ZPBP: variants seen among roughly 807,000 people sequenced by gnomAD.
ZPBP encodes the protein zona pellucida binding protein, also known as zona pellucida-binding protein 1.
A neutral mutation model predicts 44.8 loss-of-function variants in ZPBP; 26 were observed. That is an observed-to-expected ratio of 0.58 (90% CI 0.43 to 0.81). The LOEUF (loss-of-function observed/expected upper bound fraction) is 0.81. Among genes scored for constraint, ZPBP ranks in the 30% least tolerant of loss-of-function variants. ZPBP has a pLI of 0.00. For synonymous variants in ZPBP, 174 were observed against 153.2 expected (o/e 1.14, Z -1.00); for missense variants, 409 against 434.0 (o/e 0.94, Z 0.51).
intron 4 of ZPBP, among the ~76,000 whole-genome samples, chr7:50,054,834 C>T (rs1800855487): frequency 6.6e-6 from 1 of 152,070 alleles, no homozygotes; most frequent in Non-Finnish European, 1.5e-5. Context: ...CTATATATCT[C>T]TCAGTAGCTA....
intron 3 of ZPBP, among the ~76,000 whole-genome samples, chr7:50,076,041 A>G (rs570933334): frequency 6.6e-6 from 1 of 152,104 alleles, no homozygotes; most frequent in South Asian, 2.1e-4. Context: ...AAAAGGTTAG[A>G]AAGATCATTT....
At chr7:49,891,968 A>T (rs186372564) in intron 2 of ZPBP, among the ~76,000 whole-genome samples, 4 of 152,158 alleles carry the variant, frequency 2.6e-5, no homozygotes, top group African/African-American at 9.6e-5. Context: ...AAATGAAAAG[A>T]TACAAATACG....
intron 2 of ZPBP, among the ~76,000 whole-genome samples, chr7:49,858,351 T>A (rs540942051): frequency 3.7e-4 from 56 of 152,154 alleles, no homozygotes; most frequent in African/African-American, 1.3e-3. Flanking sequence ...GTGGCACATA[T>A]ACACCATGGA....
In ZPBP at chr7:49,965,570, A is replaced by G. The variant is rs539411384; in HGVS notation, c.961+17772T>C. On this transcript the variant is annotated intron_variant, in intron 7 of 7. Transcript: ENST00000046087. ...CAAATGGAAATGGGTATACACCAAA[A>G]AATGAAGTCTACTGGAAATGGTAGT... Among the ~76,000 whole-genome samples the G allele has an allele frequency of 3.3e-4, 50 of 152,218 alleles. 1 individual carries two copies. Among genetic ancestry groups the G allele is most frequent in the African/African-American group, 1.2e-3 (48 of 41,588 alleles).
intron 1 of ZPBP, chr7:49,917,138 G>A (rs1793765740): frequency 1.3e-5 from 2 of 152,050 alleles, no homozygotes; most frequent in Non-Finnish European, 2.9e-5. Context: ...ACCTCAGTAG[G>A]TATCTAGTGA....
Position 49,984,876 on chromosome 7 carries a change from T to G in ZPBP, c.784-1357A>C, listed in dbSNP as rs984825822. 3.3e-5 allele frequency among the ~76,000 whole-genome samples: 5 copies of G among 152,316 alleles called. No homozygotes were observed. In the East Asian group the frequency reaches 7.7e-4, roughly 23 times the overall value. ...CAGGTCCTCAAATAATGTCCTTTCCTTCAATGTCATTTTGTTATAATGTTG... is the reference window on the plus strand; with the variant it reads ...CAGGTCCTCAAATAATGTCCTTTCCGTCAATGTCATTTTGTTATAATGTTG... On this transcript the variant is annotated intron_variant, in intron 6 of 7. Transcript: ENST00000046087.
chr7:49,965,822 C>T (rs1796034827), intron 7 of ZPBP, among the ~76,000 whole-genome samples: 2 of 151,956 alleles, frequency 1.3e-5, no homozygotes, highest in South Asian at 4.2e-4. Flanking sequence ...TGAAGGTGGA[C>T]TAAGATAAAT....
intron 6 of ZPBP, among the ~76,000 whole-genome samples, chr7:50,015,697 T>TAAACC (rs3034423): frequency 1.3e-5 from 2 of 151,402 alleles, no homozygotes; most frequent in Non-Finnish European, 3.0e-5. Context: ...ATGAAGTACT[T>TAAACC]AACAAGCAAA....
rs1026644832 is a variant in ZPBP, at chr7:50,051,640, C to T, written c.487+6349G>A. Among the ~76,000 whole-genome samples, 4 of 152,134 alleles carry T rather than the reference C, an allele frequency of 2.6e-5. 1 individual carries two copies. Among genetic ancestry groups the T allele is most frequent in the Middle Eastern group, 6.8e-3 (2 of 294 alleles). Reference sequence around the variant, plus strand: ...AATACTATGCAGCCATAAAAAGGAACAAGATCATGTCCTTTACAGGGACAT... The same window carrying T: ...AATACTATGCAGCCATAAAAAGGAATAAGATCATGTCCTTTACAGGGACAT... On this transcript the variant is annotated intron_variant, in intron 4 of 7. Coordinates refer to ENST00000046087, the MANE Select transcript of ZPBP (RefSeq NM_007009.3).
chr7:49,912,166 A>C, intron 1 of ZPBP: 1 of 1,614,070 alleles, frequency 6.2e-7, no homozygotes, highest in South Asian at 1.1e-5. Flanking sequence ...TGCACGAGAC[A>C]TGAATGCAGG....
At chr7:50,092,525 T>C (rs1311235592) in intron 1 of ZPBP, among the ~76,000 whole-genome samples, 1 of 152,236 alleles carries the variant, frequency 6.6e-6, no homozygotes, top group Non-Finnish European at 1.5e-5. Context: ...AACAGTTCAA[T>C]TAAACTTTCA....
At chr7:50,083,930 A>T (rs527985491) in intron 2 of ZPBP, among the ~76,000 whole-genome samples, 1 of 152,122 alleles carries the variant, frequency 6.6e-6, no homozygotes, top group South Asian at 2.1e-4. Flanking sequence ...TGCAAAAAGC[A>T]CAAATATAAA....
chr7:50,018,719 A>G (rs1158742583), intron 5 of ZPBP, among the ~76,000 whole-genome samples: 1 of 151,978 alleles, frequency 6.6e-6, no homozygotes, highest in Non-Finnish European at 1.5e-5. Flanking sequence ...CTAGCTGCAA[A>G]ATGATAGAGG....
At chr7:49,967,181 T>C (rs988837077) in intron 7 of ZPBP, among the ~76,000 whole-genome samples, 1 of 152,196 alleles carries the variant, frequency 6.6e-6, no homozygotes. Context: ...CCAGGTCCAG[T>C]GGGCAGAGAA....
intron 1 of ZPBP, among the ~76,000 whole-genome samples, chr7:49,925,456 A>G (rs926424306): frequency 4.6e-5 from 7 of 152,184 alleles, no homozygotes; most frequent in Admixed American, 4.6e-4. Context: ...GCAGGTGTCC[A>G]TGCTATTGGG....
intron 5 of ZPBP, among the ~76,000 whole-genome samples, chr7:50,030,548 A>G (rs1281372931): frequency 2.0e-5 from 3 of 152,046 alleles, no homozygotes; most frequent in Non-Finnish European, 4.4e-5. Context: ...AAGCAATAAC[A>G]TTTGAGATGA....
At chr7:49,957,094 TTC>T (rs899027631) in intron 7 of ZPBP, among the ~76,000 whole-genome samples, 104 of 152,262 alleles carry the variant, frequency 6.8e-4, no homozygotes, top group African/African-American at 2.5e-3. Context: ...TTGTCTCTGT[TTC>T]TCTCTCTGTC....
chr7:49,956,725 T>C (rs890385098), intron 7 of ZPBP, among the ~76,000 whole-genome samples: 9 of 152,162 alleles, frequency 5.9e-5, no homozygotes, highest in Admixed American at 2.0e-4. Flanking sequence ...AAATCCTATA[T>C]TGAGCTATAA....
chr7:49,889,765 A>G (rs1162002292), intron 2 of ZPBP, among the ~76,000 whole-genome samples: 1 of 152,170 alleles, frequency 6.6e-6, no homozygotes, highest in Non-Finnish European at 1.5e-5. Flanking sequence ...CCTGATTAAC[A>G]TATTTTGAAT....
Sources: allele counts gnomAD v4.1 joint callset (sites outside exome capture counted in the v4.1 genomes callset), GRCh38; gene constraint gnomAD v4.1.1; transcripts MANE v1.5; gene names NCBI Gene and HGNC (gene_info 2026-07-23, HGNC 2026-07-21).